TUNAR: variants seen among roughly 807,000 people sequenced by gnomAD.
TUNAR encodes protein TUNAR.
intron 2 of TUNAR, among the ~76,000 whole-genome samples, chr14:95,891,089 G>A (rs909972954): frequency 5.3e-5 from 8 of 152,240 alleles, no homozygotes; most frequent in African/African-American, 1.9e-4. Context: ...CTTCGGCCAC[G>A]TGGAGGTCGA....
chr14:95,883,455 A>C (rs1169218886), intron 2 of TUNAR, among the ~76,000 whole-genome samples: 2 of 152,184 alleles, frequency 1.3e-5, no homozygotes, highest in Non-Finnish European at 2.9e-5. Flanking sequence ...ACAGTTTAAC[A>C]AACAGTTATG....
chr14:95,902,685 C>T (rs1044443739), intron 2 of TUNAR, among the ~76,000 whole-genome samples: 1 of 152,104 alleles, frequency 6.6e-6, no homozygotes, highest in Non-Finnish European at 1.5e-5. Context: ...GGTGGGGGAG[C>T]CTGCTTGGTA....
chr14:95,892,750 T>G (rs1313605667), intron 2 of TUNAR, among the ~76,000 whole-genome samples: 1 of 152,222 alleles, frequency 6.6e-6, no homozygotes, highest in Non-Finnish European at 1.5e-5. Flanking sequence ...GTCTTCACTC[T>G]CTGAGCACCA....
intron 2 of TUNAR, among the ~76,000 whole-genome samples, chr14:95,881,408 G>A (rs779798023): frequency 2.2e-4 from 34 of 152,286 alleles, no homozygotes; most frequent in Admixed American, 1.0e-3. Flanking sequence ...TGTATGCGAC[G>A]TCAGTCTGAG....
intron 2 of TUNAR, among the ~76,000 whole-genome samples, chr14:95,899,267 T>C (rs1233718613): frequency 1.3e-5 from 2 of 152,156 alleles, no homozygotes; most frequent in African/African-American, 2.4e-5. Flanking sequence ...TGGCTTCTCA[T>C]TGGCCTGATG....
intron 2 of TUNAR, among the ~76,000 whole-genome samples, chr14:95,915,680 T>C (rs1265114452): frequency 6.6e-6 from 1 of 152,246 alleles, no homozygotes; most frequent in Non-Finnish European, 1.5e-5. Flanking sequence ...GGGCTCTCCC[T>C]AGCTGCTCTG....
chr14:95,888,814 G>A (rs903183331), intron 2 of TUNAR, among the ~76,000 whole-genome samples: 13 of 152,070 alleles, frequency 8.5e-5, no homozygotes, highest in African/African-American at 3.1e-4. Flanking sequence ...GGATGGGGGG[G>A]GCAGTTAGAC....
intron 2 of TUNAR, among the ~76,000 whole-genome samples, chr14:95,891,985 T>C (rs1379638393): frequency 6.6e-6 from 1 of 152,234 alleles, no homozygotes; most frequent in South Asian, 2.1e-4. Context: ...AATCCTCTAT[T>C]TTCCTCTTAT....
At chr14:95,925,239 T>C (rs1156270110) in exon 3 of TUNAR, 1 of 152,254 alleles carries the variant, frequency 6.6e-6, no homozygotes, top group Non-Finnish European at 1.5e-5. Flanking sequence ...ACATGGCTTC[T>C]AGTGGAGTCA....
intron 2 of TUNAR, among the ~76,000 whole-genome samples, chr14:95,882,139 T>C (rs529104188): frequency 1.5e-4 from 23 of 152,290 alleles, no homozygotes; most frequent in African/African-American, 5.5e-4. Context: ...TCAGCACAAG[T>C]TTTTGATTTG....
At chr14:95,904,042 C>G (rs1889394398) in intron 2 of TUNAR, among the ~76,000 whole-genome samples, 1 of 152,256 alleles carries the variant, frequency 6.6e-6, no homozygotes, top group Non-Finnish European at 1.5e-5. Context: ...ACATGGACCC[C>G]TGCCTCATGA....
At chr14:95,892,310 G>A (rs561902831) in intron 2 of TUNAR, among the ~76,000 whole-genome samples, 5 of 152,372 alleles carry the variant, frequency 3.3e-5, no homozygotes, top group African/African-American at 1.2e-4. Context: ...TGCCAGGAGG[G>A]ACATGAAGTC....
intron 2 of TUNAR, among the ~76,000 whole-genome samples, chr14:95,904,674 C>G (rs1381729228): frequency 6.6e-6 from 1 of 152,190 alleles, no homozygotes; most frequent in East Asian, 1.9e-4. Context: ...AACCCAGGGC[C>G]CTTGAGGCTC....
At position 95,915,718 on chromosome 14, in the gene TUNAR, C is replaced by T. The variant is rs143744551; in HGVS notation, c.13-7063C>T. Among the ~76,000 whole-genome samples the T allele has an allele frequency of 1.1e-3, 172 of 152,362 alleles. 1 individual carries two copies. Among genetic ancestry groups the T allele is most frequent in the African/African-American group, 4.0e-3 (166 of 41,588 alleles). ...GCCTCTAGGCCCAGGCCACACACGGCGCTGTGTCACTGTATACTCGTGGTT... is the reference window on the plus strand; with the variant it reads ...GCCTCTAGGCCCAGGCCACACACGGTGCTGTGTCACTGTATACTCGTGGTT... On this transcript the variant is annotated intron_variant, in intron 2 of 2. Transcript: ENST00000678517.
chr14:95,923,061 G>C, exon 3 of TUNAR: 1 of 398,340 alleles, frequency 2.5e-6, no homozygotes, highest in Non-Finnish European at 4.4e-6. Context: ...GAACAAGCAG[G>C]CTTGACCCGC....
chr14:95,919,540 T>A (rs1378204116), intron 2 of TUNAR, among the ~76,000 whole-genome samples: 1 of 151,496 alleles, frequency 6.6e-6, no homozygotes, highest in East Asian at 1.9e-4. Flanking sequence ...GGACCCAGTC[T>A]CTACAAAAAG....
chr14:95,897,992 C>G (rs1056107669), intron 2 of TUNAR, among the ~76,000 whole-genome samples: 1 of 152,096 alleles, frequency 6.6e-6, no homozygotes, highest in African/African-American at 2.4e-5. Context: ...AGGATGCTCT[C>G]CCCTCCTCTA....
Position 95,879,230 on chromosome 14 carries a change from G to A in TUNAR, c.12+2053G>A, listed in dbSNP as rs540941577. ...TTAATGAACCTCTTAAAGTGTTGCC[G>A]AATCCCAAATGAAACGGGCATGTCC... On this transcript the variant is annotated intron_variant, in intron 2 of 2. Coordinates refer to ENST00000678517, the Ensembl canonical transcript of TUNAR. 6.6e-5 allele frequency among the ~76,000 whole-genome samples: 10 copies of A among 152,268 alleles called. No homozygotes were observed. In the South Asian group the frequency reaches 1.2e-3, roughly 19 times the overall value.
At chr14:95,910,542 A>G (rs968132456) in intron 2 of TUNAR, among the ~76,000 whole-genome samples, 7 of 152,246 alleles carry the variant, frequency 4.6e-5, no homozygotes, top group Non-Finnish European at 7.3e-5. Flanking sequence ...CATCTTGGCA[A>G]TTAGGGAGGG....
Sources: gnomAD v4.1 joint callset for allele counts (sites outside exome capture counted in the v4.1 genomes callset) on GRCh38, gnomAD v4.1.1 for gene constraint, MANE v1.5 for transcripts, NCBI Gene and HGNC (gene_info 2026-07-23, HGNC 2026-07-21) for gene names.